Variants in DNAH8 observed in about 807,000 individuals in gnomAD.
DNAH8 encodes the protein dynein axonemal heavy chain 8, also known as axonemal beta dynein heavy chain 8.
A neutral mutation model predicts 562.1 loss-of-function variants in DNAH8; 382 were observed. The observed-to-expected ratio is 0.68, with a 90% CI of 0.63 to 0.74. The LOEUF is 0.74. Among genes scored for constraint, DNAH8 ranks in the 30% least tolerant of loss-of-function variants. DNAH8 has a pLI of 0.00. For synonymous variants in DNAH8, 1,881 were observed against 1,919.4 expected, an observed-to-expected ratio of 0.98 and a Z score of 0.52; for missense variants, 5,203 against 5,620.4, an observed-to-expected ratio of 0.93 and a Z score of 2.37.
At chr6:38,964,567 T>A (rs2150673623) in intron 82 of DNAH8, among the ~76,000 whole-genome samples, 1 of 151,672 alleles carries the variant, frequency 6.6e-6, no homozygotes, top group Non-Finnish European at 1.5e-5. Flanking sequence ...ACATCCAGAT[T>A]TATATACAAG....
At chr6:39,011,533 A>G (rs1766208536) in intron 89 of DNAH8, among the ~76,000 whole-genome samples, 1 of 152,184 alleles carries the variant, frequency 6.6e-6, no homozygotes. Flanking sequence ...AAATGTGTAT[A>G]TTGCATTGGC....
chr6:38,919,819 T>G (rs1781567357), intron 70 of DNAH8, among the ~76,000 whole-genome samples: 2 of 152,154 alleles, frequency 1.3e-5, no homozygotes, highest in African/African-American at 4.8e-5. Context: ...TGGTACATTC[T>G]TAGCCCTTAC....
chr6:38,728,990 G>A (rs1414869437), intron 3 of DNAH8, among the ~76,000 whole-genome samples: 1 of 152,148 alleles, frequency 6.6e-6, no homozygotes, highest in Non-Finnish European at 1.5e-5. Context: ...AGCATCACTT[G>A]AGGTCAGTTC....
At chr6:38,734,398 G>C (rs755477207) in intron 4 of DNAH8, 76 bp from the exon 5 acceptor site, 1 of 1,498,706 alleles carries the variant, frequency 6.7e-7, no homozygotes, top group Non-Finnish European at 8.9e-7. Flanking sequence ...GGAAACAATA[G>C]TGTAAGAGCC....
At chr6:38,804,497 C>T (rs185078908) in intron 22 of DNAH8, among the ~76,000 whole-genome samples, 302 of 152,268 alleles carry the variant, frequency 2.0e-3, no homozygotes, top group Non-Finnish European at 3.1e-3. Flanking sequence ...ACCTGCTCTT[C>T]TCCCCAGCTG....
Position 39,026,643 on chromosome 6 carries a change from G to T in DNAH8, c.13812G>T (p.Lys4604Asn), listed in dbSNP as rs773105785. ...ACAATGAAGTTCTGAGACAGACCAA[G>T]GAGGAGATCACGTCACCCCCTGGGG... ...TIHNEVLRQTKEEITSPPGEG... is the reference protein window; with the variant it reads ...TIHNEVLRQTNEEITSPPGEG... Residue 4604 changes from lysine to asparagine, a missense_variant, in exon 92 of 93, where the codon AAG becomes AAT. Lys to Asn is a moderately conservative substitution (Grantham distance 94). Coordinates refer to ENST00000327475, the MANE Select transcript of DNAH8 (RefSeq NM_001206927.2). 6.2e-7 allele frequency: 1 copy of T among 1,613,630 alleles called. No individual in the cohort carries two copies. Among genetic ancestry groups the T allele is most frequent in the Non-Finnish European group, 8.5e-7 (1 of 1,179,972 alleles).
At chr6:38,903,805 T>A (rs1583313176) in intron 62 of DNAH8, among the ~76,000 whole-genome samples, 1 of 151,938 alleles carries the variant, frequency 6.6e-6, no homozygotes, top group South Asian at 2.1e-4. Context: ...AGAGGCAGGG[T>A]TTCACCATGC....
At chr6:38,757,053 G>A (rs564934532) in intron 10 of DNAH8, among the ~76,000 whole-genome samples, 3 of 152,266 alleles carry the variant, frequency 2.0e-5, no homozygotes, top group African/African-American at 7.2e-5. Flanking sequence ...GGATTGCTGG[G>A]TCAGATGGTA....
chr6:38,922,210 T>C (rs1368196520), intron 71 of DNAH8, among the ~76,000 whole-genome samples: 2 of 151,414 alleles, frequency 1.3e-5, no homozygotes, highest in African/African-American at 4.9e-5. Context: ...GGGATCCTAA[T>C]ATAACCTCTT....
chr6:38,923,306 A>C, intron 72 of DNAH8, 121 bp downstream of exon 72: 2 of 1,183,340 alleles, frequency 1.7e-6, no homozygotes, highest in Non-Finnish European at 2.3e-6. Context: ...AACTTAAATC[A>C]TGCACTCTCA....
At chr6:38,921,173 C>T (rs1367042749) in intron 70 of DNAH8, among the ~76,000 whole-genome samples, 196 bp from the exon 71 acceptor site, 2 of 152,180 alleles carry the variant, frequency 1.3e-5, no homozygotes, top group Non-Finnish European at 2.9e-5. Flanking sequence ...TGAGCCACCA[C>T]ACCTGGCCAG....
intron 20 of DNAH8, among the ~76,000 whole-genome samples, chr6:38,791,215 A>G (rs918894323): frequency 1.6e-4 from 24 of 152,172 alleles, no homozygotes; most frequent in African/African-American, 5.3e-4. Flanking sequence ...TCTGCCTGTT[A>G]CTAGCTATGT....
intron 79 of DNAH8, among the ~76,000 whole-genome samples, chr6:38,942,531 C>A (rs1783544982): frequency 6.6e-6 from 1 of 152,184 alleles, no homozygotes; most frequent in African/African-American, 2.4e-5. Flanking sequence ...CAGTGTCACA[C>A]CCACCATGGA....
chr6:38,857,031 T>A (rs1193978836), intron 41 of DNAH8, among the ~76,000 whole-genome samples: 1 of 152,162 alleles, frequency 6.6e-6, no homozygotes, highest in Non-Finnish European at 1.5e-5. Context: ...TCCCTCTCTC[T>A]TCTATAGATA....
At chr6:38,821,759 GC>G (rs1027061346) in intron 26 of DNAH8, among the ~76,000 whole-genome samples, 1 of 151,988 alleles carries the variant, frequency 6.6e-6, no homozygotes, top group Non-Finnish European at 1.5e-5. Context: ...ATAGGATTTT[GC>G]CATGTTGCCC....
At chr6:38,770,091 A>T (rs2043955583) in intron 11 of DNAH8, among the ~76,000 whole-genome samples, 1 of 152,202 alleles carries the variant, frequency 6.6e-6, no homozygotes. Flanking sequence ...GCGCATAAAG[A>T]ATGCTGATTC....
In DNAH8 at chr6:38,977,037, C is replaced by G. The variant is rs12207194; in HGVS notation, c.12834+2508C>G. Among the ~76,000 whole-genome samples, 925 of 152,312 alleles carry G rather than the reference C, an allele frequency of 6.1e-3. 7 individuals carry two copies. The highest frequency in any genetic ancestry group is 0.01 in the Middle Eastern group (3 of 294). Reference sequence around the variant, plus strand: ...GGTTTGGGTGGCATTATGCCATCAGCTTACCCCAGTTCATAGGCATGATAT... The same window carrying G: ...GGTTTGGGTGGCATTATGCCATCAGGTTACCCCAGTTCATAGGCATGATAT... On this transcript the variant is annotated intron_variant, in intron 85 of 92. Transcript: ENST00000327475.
At chr6:38,934,189 C>T (rs758436125) in intron 76 of DNAH8, among the ~76,000 whole-genome samples, 3 of 151,690 alleles carry the variant, frequency 2.0e-5, no homozygotes, top group Non-Finnish European at 2.9e-5. Context: ...CCCGTCTCTA[C>T]TAAAAATACA....
intron 32 of DNAH8, among the ~76,000 whole-genome samples, chr6:38,835,873 G>C (rs922774376): frequency 6.7e-6 from 1 of 149,140 alleles, no homozygotes; most frequent in African/African-American, 2.4e-5. Flanking sequence ...TTTTAAAATA[G>C]TTGGTTTTTT....
Sources: allele counts gnomAD v4.1 joint callset (sites outside exome capture counted in the v4.1 genomes callset), GRCh38; gene constraint gnomAD v4.1.1; transcripts MANE v1.5; gene names NCBI Gene and HGNC (gene_info 2026-07-23, HGNC 2026-07-21).